The following SERTM1 variants were observed in gnomAD, a reference collection of about 807,000 sequenced individuals.
SERTM1 encodes the protein serine-rich and transmembrane domain-containing protein 1.
Under a neutral mutation model 5.5 loss-of-function variants are expected in SERTM1, and 1 was observed. That is an observed-to-expected ratio of 0.18 (90% CI 0.06 to 0.86). SERTM1 has a LOEUF of 0.86. Ranked by LOEUF, SERTM1 falls within the 40% of genes least tolerant of loss-of-function variation. The pLI is 0.69. For synonymous variants in SERTM1, 52 were observed against 55.1 expected, an observed-to-expected ratio of 0.94 and a Z score of 0.25; for missense variants, 91 against 122.4, an observed-to-expected ratio of 0.74 and a Z score of 1.21.
chr13:36,693,911 C>A (rs2056795679), intron 1 of SERTM1, among the ~76,000 whole-genome samples: 1 of 152,088 alleles, frequency 6.6e-6, no homozygotes, highest in African/African-American at 2.4e-5. Flanking sequence ...TGTCTCACAA[C>A]CTGAACACAG....
At chr13:36,676,729 A>G (rs1023252556) in intron 1 of SERTM1, among the ~76,000 whole-genome samples, 3 of 152,166 alleles carry the variant, frequency 2.0e-5, no homozygotes, top group Non-Finnish European at 4.4e-5. Context: ...AGGCTATTAT[A>G]TTATATTAGT....
chr13:36,674,692 G>A (rs906575121), intron 1 of SERTM1, among the ~76,000 whole-genome samples: 3 of 152,130 alleles, frequency 2.0e-5, no homozygotes, highest in African/African-American at 7.2e-5. Flanking sequence ...GGTCATTTGC[G>A]TCCCTTCTCG....
At chr13:36,686,694 G>A (rs1421525165) in intron 1 of SERTM1, among the ~76,000 whole-genome samples, 1 of 152,050 alleles carries the variant, frequency 6.6e-6, no homozygotes, top group African/African-American at 2.4e-5. Flanking sequence ...TTACAACTAG[G>A]AAATTTAATA....
chr13:36,688,538 G>A (rs1187395346), intron 1 of SERTM1, among the ~76,000 whole-genome samples: 1 of 152,072 alleles, frequency 6.6e-6, no homozygotes, highest in Non-Finnish European at 1.5e-5. Flanking sequence ...AGGTTGTCTA[G>A]TTTTGCTAAA....
chr13:36,684,850 G>A (rs1286703508), intron 1 of SERTM1, among the ~76,000 whole-genome samples: 6 of 152,140 alleles, frequency 3.9e-5, no homozygotes. Flanking sequence ...TTGTACTAAA[G>A]ATTATCCATA....
chr13:36,694,252 A>ACT (rs2056798540), intron 1 of SERTM1, among the ~76,000 whole-genome samples: 1 of 152,120 alleles, frequency 6.6e-6, no homozygotes. Context: ...CCAACCTGAT[A>ACT]CTCTCTCTAC....
intron 1 of SERTM1, among the ~76,000 whole-genome samples, chr13:36,679,796 A>G (rs2056692299): frequency 6.6e-6 from 1 of 152,254 alleles, no homozygotes; most frequent in African/African-American, 2.4e-5. Context: ...TAAGTGTAAG[A>G]AAATAATTCC....
intron 1 of SERTM1, among the ~76,000 whole-genome samples, chr13:36,685,251 G>A (rs1321752601): frequency 3.3e-5 from 5 of 152,150 alleles, no homozygotes; most frequent in East Asian, 1.9e-4. Flanking sequence ...TGGCAGGCTC[G>A]GCCGCTGTGT....
chr13:36,676,527 T>A (rs912951082), intron 1 of SERTM1, among the ~76,000 whole-genome samples: 11 of 152,136 alleles, frequency 7.2e-5, no homozygotes, highest in African/African-American at 2.4e-4. Context: ...TTCATCTGAG[T>A]TTTTAAAGTA....
chr13:36,683,129 C>T (rs577391589), intron 1 of SERTM1, among the ~76,000 whole-genome samples: 1 of 152,272 alleles, frequency 6.6e-6, no homozygotes, highest in African/African-American at 2.4e-5. Context: ...TTGCCTCTCA[C>T]CTGTTCCCAT....
At chr13:36,683,579 G>A (rs2056719980) in intron 1 of SERTM1, among the ~76,000 whole-genome samples, 1 of 152,084 alleles carries the variant, frequency 6.6e-6, no homozygotes, top group South Asian at 2.1e-4. Context: ...GCCAGCAAGG[G>A]GTGAAGATAC....
At chr13:36,691,127 G>A (rs1275401441) in intron 1 of SERTM1, among the ~76,000 whole-genome samples, 3 of 152,210 alleles carry the variant, frequency 2.0e-5, no homozygotes, top group Non-Finnish European at 4.4e-5. Flanking sequence ...TCAAGGATGT[G>A]GCGCAGGCTG....
rs2056684013 is a variant in SERTM1 at position 36,678,650 on chromosome 13, G to A, written c.-174+4466G>A. On this transcript the variant is annotated intron_variant, in intron 1 of 1. Coordinates refer to ENST00000315190, the MANE Select transcript of SERTM1 (RefSeq NM_203451.3). ...TAACAAACCTACACGTCCTGCACAT[G>A]TATCCTGGAACTTAAAATAAAATAA... is the stretch of plus-strand genomic sequence containing the variant. Among the ~76,000 whole-genome samples, 6 of 132,624 alleles carry A rather than the reference G, an allele frequency of 4.5e-5. No individual in the cohort carries two copies. In the South Asian group the frequency reaches 1.5e-3, roughly 32 times the overall value. 87.0% of individuals were successfully genotyped at this position (132,624 alleles called of 152,430 possible). A position where few individuals can be genotyped will look rare whatever the true frequency, so the allele number is the denominator to read the frequency against.
At position 36,697,314 on chromosome 13, in the gene SERTM1, T is replaced by A. The variant is rs199600532; in HGVS notation, c.*1912T>A. 1 of 102,314 alleles carries A rather than the reference T, an allele frequency of 9.8e-6. No homozygotes were observed. The allele number at this position is 102,314 out of a possible 1,614,324, so 6.3% of individuals were successfully genotyped here. A position where few individuals can be genotyped will look rare whatever the true frequency, so the allele number is the denominator to read the frequency against. ...ACGCACACACACACACACACATAAA[T>A]ATATATATATATATATATATATAAA... On this transcript the variant is annotated 3_prime_UTR_variant, in exon 2 of 2. Transcript: ENST00000315190.
intron 1 of SERTM1, among the ~76,000 whole-genome samples, chr13:36,693,758 A>G (rs552215329): frequency 1.3e-5 from 2 of 152,354 alleles, no homozygotes; most frequent in South Asian, 4.1e-4. Flanking sequence ...CTAGAGGCAG[A>G]GTGAATGTTT....
chr13:36,681,766 T>C (rs568576856), intron 1 of SERTM1, among the ~76,000 whole-genome samples: 1 of 152,358 alleles, frequency 6.6e-6, no homozygotes, highest in African/African-American at 2.4e-5. Context: ...CAGAGCTTCA[T>C]AGTCTCACTA....
intron 1 of SERTM1, among the ~76,000 whole-genome samples, chr13:36,688,608 G>A (rs2056757646): frequency 6.6e-6 from 1 of 152,138 alleles, no homozygotes; most frequent in Non-Finnish European, 1.5e-5. Flanking sequence ...GCTGATCTGA[G>A]ATTAAAAGAT....
chr13:36,674,364 A>C (rs976740779), intron 1 of SERTM1, among the ~76,000 whole-genome samples, 180 bp downstream of exon 1: 5 of 151,596 alleles, frequency 3.3e-5, no homozygotes, highest in African/African-American at 4.8e-5. Flanking sequence ...CCCCAAATCT[A>C]TCCCTTTTGA....
Position 36,690,304 on chromosome 13 carries a change from A to G in SERTM1, c.-173-4602A>G, listed in dbSNP as rs1481536590. Reference sequence around the variant, plus strand: ...ATAATGAGAGTTCACACAAAACTCTACTCTCCCAAAGCATTGTACTGATAA... The same window carrying G: ...ATAATGAGAGTTCACACAAAACTCTGCTCTCCCAAAGCATTGTACTGATAA... On this transcript the variant is annotated intron_variant, in intron 1 of 1. Transcript: ENST00000315190. Among the ~76,000 whole-genome samples, 6 of 152,108 alleles carry G rather than the reference A, an allele frequency of 3.9e-5. No homozygotes were observed. In the East Asian group the frequency reaches 1.2e-3, roughly 29 times the overall value.
Sources: gnomAD v4.1 joint callset for allele counts (sites outside exome capture counted in the v4.1 genomes callset) on GRCh38, gnomAD v4.1.1 for gene constraint, MANE v1.5 for transcripts, NCBI Gene and HGNC (gene_info 2026-07-23, HGNC 2026-07-21) for gene names.